The following LRRC4C variants were observed in gnomAD, a reference collection of about 807,000 sequenced individuals.
The protein encoded by LRRC4C is leucine-rich repeat-containing protein 4C.
Under a neutral mutation model 33.6 loss-of-function variants are expected in LRRC4C, and 5 were observed. That is an observed-to-expected ratio of 0.15 (90% CI 0.08 to 0.31). LRRC4C has a LOEUF of 0.31. Among genes scored for constraint, LRRC4C ranks in the 10% least tolerant of loss-of-function variants. The pLI, the probability that LRRC4C is intolerant of heterozygous loss-of-function variation, is 1.00. For synonymous variants in LRRC4C, 329 were observed against 302.0 expected, an observed-to-expected ratio of 1.09 and a Z score of -0.93; for missense variants, 560 against 796.7, an observed-to-expected ratio of 0.70 and a Z score of 3.58.
At chr11:41,389,639 C>CAAAAAAAAAAAAAAAAAAAAAAAA (rs56194204) in intron 1 of LRRC4C, among the ~76,000 whole-genome samples, 2 of 80,944 alleles carry the variant, frequency 2.5e-5, no homozygotes, top group African/African-American at 4.8e-5. Context: ...CAGTGAGCAG[C>CAAAAAAAAAAAAAAAAAAAAAAAA]AAAAAAAAAA....
intron 1 of LRRC4C, among the ~76,000 whole-genome samples, chr11:41,036,407 T>G (rs1363338708): frequency 6.6e-6 from 1 of 151,826 alleles, no homozygotes; most frequent in Non-Finnish European, 1.5e-5. Flanking sequence ...TTCCTTTCTC[T>G]CAGCTCCAGA....
chr11:41,362,167 G>A (rs1195241780), intron 1 of LRRC4C, among the ~76,000 whole-genome samples: 1 of 152,114 alleles, frequency 6.6e-6, no homozygotes, highest in Non-Finnish European at 1.5e-5. Context: ...GAAGGTCCAG[G>A]AGGCAGTCTA....
intron 5 of LRRC4C, among the ~76,000 whole-genome samples, chr11:40,192,001 A>G (rs1861879981): frequency 6.6e-6 from 1 of 152,160 alleles, no homozygotes; most frequent in African/African-American, 2.4e-5. Context: ...TTATATATAT[A>G]TGTGAACTAG....
chr11:40,615,238 T>TATATA (rs1961653233), intron 3 of LRRC4C, among the ~76,000 whole-genome samples: 1 of 88,176 alleles, frequency 1.1e-5, no homozygotes, highest in African/African-American at 3.9e-5. Flanking sequence ...TTGATTTATT[T>TATATA]TATATATATA....
At chr11:40,550,257 T>C (rs142442286) in intron 3 of LRRC4C, among the ~76,000 whole-genome samples, 1 of 152,146 alleles carries the variant, frequency 6.6e-6, no homozygotes, top group East Asian at 1.9e-4. Flanking sequence ...CTTGATTCCA[T>C]GTCTGCCTCT....
chr11:40,619,805 A>G (rs1455413155), intron 3 of LRRC4C, among the ~76,000 whole-genome samples: 1 of 151,288 alleles, frequency 6.6e-6, no homozygotes. Flanking sequence ...GTAACTCTTT[A>G]TTTAACTTGG....
chr11:40,620,080 G>A (rs1010549328), intron 3 of LRRC4C, among the ~76,000 whole-genome samples: 3 of 142,320 alleles, frequency 2.1e-5, no homozygotes, highest in Non-Finnish European at 4.6e-5. Flanking sequence ...AAAAAAGAAT[G>A]AGCCGAGCTG....
chr11:40,280,412 A>C (rs924493507), intron 4 of LRRC4C, among the ~76,000 whole-genome samples: 9 of 152,220 alleles, frequency 5.9e-5, no homozygotes, highest in African/African-American at 2.2e-4. Flanking sequence ...CACGTGCATT[A>C]AGCAGGCAAA....
intron 1 of LRRC4C, among the ~76,000 whole-genome samples, chr11:41,007,407 A>G (rs1854834360): frequency 6.6e-6 from 1 of 152,124 alleles, no homozygotes; most frequent in Non-Finnish European, 1.5e-5. Context: ...CAAGGATTAT[A>G]CAATTTGGCA....
At chr11:41,259,978 T>C (rs1393520286) in intron 1 of LRRC4C, among the ~76,000 whole-genome samples, 1 of 152,058 alleles carries the variant, frequency 6.6e-6, no homozygotes, top group Non-Finnish European at 1.5e-5. Context: ...AAGATTGGAC[T>C]TTGGCATCTA....
intron 2 of LRRC4C, among the ~76,000 whole-genome samples, chr11:40,688,451 A>G (rs996435936): frequency 6.6e-6 from 1 of 152,118 alleles, no homozygotes; most frequent in Non-Finnish European, 1.5e-5. Flanking sequence ...CCATTTCCTC[A>G]TTTATTCCAA....
intron 2 of LRRC4C, among the ~76,000 whole-genome samples, chr11:40,730,047 T>G (rs1309206125): frequency 1.3e-5 from 2 of 151,850 alleles, no homozygotes; most frequent in Non-Finnish European, 2.9e-5. Flanking sequence ...TAGGTGGGAA[T>G]TGAACAGTGA....
chr11:41,299,088 CAT>C (rs1255468109), intron 1 of LRRC4C, among the ~76,000 whole-genome samples: 2 of 152,174 alleles, frequency 1.3e-5, no homozygotes, highest in African/African-American at 2.4e-5. Context: ...CTGTGATAAA[CAT>C]AGGAATGCCA....
intron 2 of LRRC4C, among the ~76,000 whole-genome samples, chr11:40,707,052 C>T (rs1181511021): frequency 6.6e-6 from 1 of 152,164 alleles, no homozygotes; most frequent in African/African-American, 2.4e-5. Context: ...GATTTTTGCA[C>T]ATTGATTTTG....
At chr11:41,013,560 G>A (rs1046976827) in intron 1 of LRRC4C, among the ~76,000 whole-genome samples, 4 of 152,152 alleles carry the variant, frequency 2.6e-5, no homozygotes, top group African/African-American at 9.7e-5. Flanking sequence ...TAAATATTGT[G>A]TCATAGTCTG....
intron 1 of LRRC4C, among the ~76,000 whole-genome samples, chr11:41,333,640 C>T (rs1022107594): frequency 2.6e-5 from 4 of 152,080 alleles, no homozygotes; most frequent in African/African-American, 9.7e-5. Flanking sequence ...CTATTAGTGG[C>T]ATTAAAGCAA....
chr11:40,532,421 A>T lies in LRRC4C; in HGVS notation c.-270+115721T>A, dbSNP rs145021504. ...TTATTGTAAATTCAATCTATAGACC[A>T]TATATTGCCCTTGGATTAAGGTTGA... On this transcript the variant is annotated intron_variant, in intron 3 of 6. Coordinates refer to ENST00000528697, the MANE Select transcript of LRRC4C (RefSeq NM_001258419.2). 1.7e-4 allele frequency among the ~76,000 whole-genome samples: 26 copies of T among 152,038 alleles called. 1 individual carries two copies. The highest frequency in any genetic ancestry group is 6.0e-4 in the African/African-American group (25 of 41,498).
chr11:40,433,511 A>G (rs1951018898), intron 3 of LRRC4C, among the ~76,000 whole-genome samples: 1 of 152,102 alleles, frequency 6.6e-6, no homozygotes, highest in South Asian at 2.1e-4. Context: ...CTATAAAATG[A>G]GGTGGGTTGA....
intron 2 of LRRC4C, among the ~76,000 whole-genome samples, chr11:40,876,213 C>T (rs1298870563): frequency 1.3e-5 from 2 of 149,700 alleles, no homozygotes; most frequent in Non-Finnish European, 3.0e-5. Context: ...GTTGGTTCAC[C>T]AGGCTTATTC....
Sources: allele counts gnomAD v4.1 joint callset (sites outside exome capture counted in the v4.1 genomes callset), GRCh38; gene constraint gnomAD v4.1.1; transcripts MANE v1.5; gene names NCBI Gene and HGNC (gene_info 2026-07-23, HGNC 2026-07-21).